PCDH15: variants seen among roughly 807,000 people sequenced by gnomAD.
PCDH15 encodes the protein protocadherin-15.
In PCDH15, 129 loss-of-function variants were observed where a neutral mutation model predicts 178.5. The observed-to-expected ratio is 0.72, with a 90% confidence interval of 0.63 to 0.84. The LOEUF (loss-of-function observed/expected upper bound fraction) is 0.84. PCDH15 is among the 40% of genes least tolerant of loss of function. The pLI is 0.00. For missense variants in PCDH15, 2,230 were observed against 2,099.9 expected (o/e 1.06, Z -1.21); for synonymous variants, 800 against 732.0 (o/e 1.09, Z -1.50).
intron 23 of PCDH15, among the ~76,000 whole-genome samples, chr10:53,951,701 T>A (rs2087066974): frequency 6.6e-6 from 1 of 152,240 alleles, no homozygotes; most frequent in Non-Finnish European, 1.5e-5. Context: ...GTAGGAAGCC[T>A]CTGTGGCTGG....
At chr10:54,811,323 A>C (rs1952858877) in intron 3 of PCDH15, among the ~76,000 whole-genome samples, 1 of 152,146 alleles carries the variant, frequency 6.6e-6, no homozygotes, top group Non-Finnish European at 1.5e-5. Context: ...CCAAGCACTG[A>C]TGCGGTGTTT....
chr10:55,149,229 T>C (rs1838622448), intron 2 of PCDH15, among the ~76,000 whole-genome samples: 1 of 143,516 alleles, frequency 7.0e-6, no homozygotes, highest in Non-Finnish European at 1.5e-5. Flanking sequence ...CAATAAATGC[T>C]TCTAAGTTAA....
intron 28 of PCDH15, among the ~76,000 whole-genome samples, chr10:53,844,010 T>C (rs897786511): frequency 1.3e-5 from 2 of 151,658 alleles, no homozygotes; most frequent in African/African-American, 4.8e-5. Flanking sequence ...ATAAATATCA[T>C]TGAGACTTTG....
chr10:54,435,684 C>G (rs1340389185), intron 3 of PCDH15, among the ~76,000 whole-genome samples: 1 of 152,046 alleles, frequency 6.6e-6, no homozygotes, highest in Non-Finnish European at 1.5e-5. Flanking sequence ...GAAATAGGTT[C>G]AGCAGGACAG....
chr10:54,924,799 T>G (rs1176885484), intron 2 of PCDH15, among the ~76,000 whole-genome samples: 1 of 152,168 alleles, frequency 6.6e-6, no homozygotes, highest in Non-Finnish European at 1.5e-5. Flanking sequence ...GTTGTTTATA[T>G]TTTTCTTGTA....
chr10:53,934,633 T>C (rs1272315776), intron 25 of PCDH15, among the ~76,000 whole-genome samples: 4 of 151,980 alleles, frequency 2.6e-5, no homozygotes, highest in Non-Finnish European at 5.9e-5. Flanking sequence ...ATGTAACATG[T>C]TAATGAGACG....
chr10:54,820,687 A>T (rs753585654), intron 3 of PCDH15, among the ~76,000 whole-genome samples: 5 of 152,062 alleles, frequency 3.3e-5, no homozygotes, highest in African/African-American at 7.2e-5. Context: ...ATGCGTAGTT[A>T]AAGAAACTAT....
At chr10:54,363,843 G>T (rs1296635735) in intron 5 of PCDH15, among the ~76,000 whole-genome samples, 2 of 151,988 alleles carry the variant, frequency 1.3e-5, no homozygotes, top group African/African-American at 4.8e-5. Context: ...ATTTTGGTAG[G>T]TATTATAATC....
At chr10:54,464,560 T>C (rs2077398489) in intron 3 of PCDH15, among the ~76,000 whole-genome samples, 1 of 152,146 alleles carries the variant, frequency 6.6e-6, no homozygotes, top group African/African-American at 2.4e-5. Flanking sequence ...ATATTTGGGG[T>C]TATTGTCTCC....
intron 2 of PCDH15, among the ~76,000 whole-genome samples, chr10:55,355,735 C>A (rs1845060294): frequency 6.6e-6 from 1 of 151,854 alleles, no homozygotes; most frequent in Non-Finnish European, 1.5e-5. Context: ...AAAAAGTTTT[C>A]TTTAACTTTT....
At chr10:53,820,559 C>A (rs2076223471) in intron 32 of PCDH15, among the ~76,000 whole-genome samples, 1 of 151,964 alleles carries the variant, frequency 6.6e-6, no homozygotes, top group South Asian at 2.1e-4. Flanking sequence ...CTTCTAAAAT[C>A]TTAAAACTCC....
intron 2 of PCDH15, among the ~76,000 whole-genome samples, chr10:55,585,902 G>C (rs1342204174): frequency 6.6e-6 from 1 of 151,920 alleles, no homozygotes; most frequent in Non-Finnish European, 1.5e-5. Context: ...GGCAATTGTT[G>C]ATCTTAATCT....
chr10:54,654,621 A>G (rs2094335538), intron 2 of PCDH15, among the ~76,000 whole-genome samples: 1 of 152,236 alleles, frequency 6.6e-6, no homozygotes, highest in South Asian at 2.1e-4. Flanking sequence ...AAGATTTGAC[A>G]GAACATCTAA....
At chr10:53,910,452 A>G (rs2083000538) in intron 25 of PCDH15, among the ~76,000 whole-genome samples, 1 of 152,210 alleles carries the variant, frequency 6.6e-6, no homozygotes, top group Non-Finnish European at 1.5e-5. Context: ...ACAAACAGAA[A>G]GGAATAGCAT....
intron 1 of PCDH15, among the ~76,000 whole-genome samples, chr10:55,238,362 G>A (rs1009202223): frequency 1.3e-5 from 2 of 151,894 alleles, no homozygotes; most frequent in African/African-American, 4.8e-5. Context: ...ATGTTAGCCA[G>A]GATGGTCTCG....
chr10:54,829,916 A>C (rs1000481951), intron 3 of PCDH15, among the ~76,000 whole-genome samples: 1 of 152,124 alleles, frequency 6.6e-6, no homozygotes, highest in African/African-American at 2.4e-5. Flanking sequence ...TATAAATATT[A>C]TTCCGAATGT....
At chr10:54,252,913 A>T (rs1480556009) in intron 8 of PCDH15, among the ~76,000 whole-genome samples, 1 of 152,060 alleles carries the variant, frequency 6.6e-6, no homozygotes, top group South Asian at 2.1e-4. Context: ...GTTATATTGA[A>T]GAGAATGTCT....
chr10:54,840,648 A>C (rs2133760650), intron 3 of PCDH15, among the ~76,000 whole-genome samples: 1 of 151,964 alleles, frequency 6.6e-6, no homozygotes, highest in Non-Finnish European at 1.5e-5. Context: ...GAGTGGCCAA[A>C]TGAATTTCAA....
At position 53,832,072 on chromosome 10, in the gene PCDH15, G is replaced by T. The variant is rs1330218085; in HGVS notation, c.3984-539C>A. ...TGTTTGCCATAACACCATCTTAAAA[G>T]TAAACATTCTCAAGTTTCAAACCAA... On this transcript the variant is annotated intron_variant, in intron 29 of 37. Transcript: ENST00000644397. 1.1e-4 allele frequency among the ~76,000 whole-genome samples: 16 copies of T among 151,908 alleles called. 1 individual carries two copies. Among genetic ancestry groups the T allele is most frequent in the African/African-American group, 3.9e-4 (16 of 41,284 alleles).
Sources: gnomAD v4.1 joint callset for allele counts (sites outside exome capture counted in the v4.1 genomes callset) on GRCh38, gnomAD v4.1.1 for gene constraint, MANE v1.5 for transcripts, NCBI Gene and HGNC (gene_info 2026-07-23, HGNC 2026-07-21) for gene names.